Variants in PDE1A observed in about 807,000 individuals in gnomAD.
PDE1A encodes dual specificity calcium/calmodulin-dependent 3',5'-cyclic nucleotide phosphodiesterase 1A.
A neutral mutation model predicts 61.7 loss-of-function variants in PDE1A; 35 were observed. The observed-to-expected ratio is 0.57, with a 90% CI of 0.43 to 0.75. The LOEUF (loss-of-function observed/expected upper bound fraction) is 0.75. PDE1A is among the 30% of genes least tolerant of loss of function. The pLI is 0.00. For missense variants in PDE1A, 597 were observed against 630.6 expected (o/e 0.95, Z 0.57); for synonymous variants, 232 against 213.2 (o/e 1.09, Z -0.77).
the PDE1A span, among the ~76,000 whole-genome samples, chr2:182,708,834 T>C: frequency 6.6e-6 from 1 of 152,224 alleles, no homozygotes; most frequent in Non-Finnish European, 1.5e-5. Context: ...TCTTCATCAG[T>C]AAAATTGACT....
At chr2:182,294,232 G>A (rs1393634402) in intron 1 of PDE1A, among the ~76,000 whole-genome samples, 1 of 152,186 alleles carries the variant, frequency 6.6e-6, no homozygotes, top group East Asian at 1.9e-4. Context: ...GATGAGGGGG[G>A]AGCTATTGTA....
At chr2:182,694,194 T>C in the PDE1A span, among the ~76,000 whole-genome samples, 2 of 152,240 alleles carry the variant, frequency 1.3e-5, no homozygotes, top group African/African-American at 4.8e-5. Context: ...CTTTACCATG[T>C]GGATATCCAG....
At chr2:182,613,361 G>T in the PDE1A span, among the ~76,000 whole-genome samples, 1 of 152,112 alleles carries the variant, frequency 6.6e-6, no homozygotes, top group Admixed American at 6.5e-5. Context: ...AGGAGATCAA[G>T]AACATCTTGG....
chr2:182,226,247 A>C (rs1689133102), intron 6 of PDE1A, among the ~76,000 whole-genome samples: 1 of 149,946 alleles, frequency 6.7e-6, no homozygotes, highest in Admixed American at 6.6e-5. Context: ...AGAAAATCAG[A>C]GATGGAATTA....
the PDE1A span, among the ~76,000 whole-genome samples, chr2:182,533,166 C>T: frequency 6.6e-6 from 1 of 151,794 alleles, no homozygotes; most frequent in East Asian, 2.0e-4. Context: ...CAAAAATTAG[C>T]TGGGTGTAGT....
At chr2:182,551,252 G>T in the PDE1A span, among the ~76,000 whole-genome samples, 1 of 152,170 alleles carries the variant, frequency 6.6e-6, no homozygotes, top group Non-Finnish European at 1.5e-5. Flanking sequence ...CTGTGGCAGG[G>T]TAGAAGATGG....
At chr2:182,586,773 C>A in the PDE1A span, among the ~76,000 whole-genome samples, 2 of 152,150 alleles carry the variant, frequency 1.3e-5, no homozygotes, top group Non-Finnish European at 2.9e-5. Flanking sequence ...CTATTTTACA[C>A]TGACATTTAT....
At chr2:182,294,773 G>A (rs1231852296) in intron 1 of PDE1A, among the ~76,000 whole-genome samples, 1 of 152,142 alleles carries the variant, frequency 6.6e-6, no homozygotes, top group Non-Finnish European at 1.5e-5. Context: ...AATTGAGAAA[G>A]AGTAATAATC....
intron 10 of PDE1A, among the ~76,000 whole-genome samples, chr2:182,199,733 C>T (rs1344772): frequency 0.74 from 111,972 of 151,928 alleles, 41,453 homozygotes; most frequent in East Asian, 0.91. Context: ...TAGCACAAAG[C>T]AAATTATTAA....
chr2:182,639,503 G>T, the PDE1A span, among the ~76,000 whole-genome samples: 4 of 152,176 alleles, frequency 2.6e-5, no homozygotes, highest in Non-Finnish European at 5.9e-5. Context: ...AAGAGGCAGA[G>T]GTTGCAGTGA....
chr2:182,581,923 C>T, the PDE1A span, among the ~76,000 whole-genome samples: 1 of 152,082 alleles, frequency 6.6e-6, no homozygotes, highest in Non-Finnish European at 1.5e-5. Flanking sequence ...AATAGAAATC[C>T]TATGCGTTTT....
At chr2:182,635,174 G>C in the PDE1A span, among the ~76,000 whole-genome samples, 1 of 151,208 alleles carries the variant, frequency 6.6e-6, no homozygotes. Context: ...CTAAGTTTCG[G>C]TATTTTTTCT....
intron 1 of PDE1A, among the ~76,000 whole-genome samples, chr2:182,333,156 T>C (rs557159862): frequency 6.6e-6 from 1 of 152,240 alleles, no homozygotes; most frequent in Admixed American, 6.5e-5. Context: ...CCACTGTCAA[T>C]ATTAGACAGA....
chr2:182,387,095 A>T (rs1701154148), intron 1 of PDE1A, among the ~76,000 whole-genome samples: 1 of 152,178 alleles, frequency 6.6e-6, no homozygotes, highest in South Asian at 2.1e-4. Flanking sequence ...CTGCCTTGGG[A>T]TGCTGTTGAT....
chr2:182,273,188 A>G (rs1304542116), intron 1 of PDE1A, among the ~76,000 whole-genome samples: 2 of 152,136 alleles, frequency 1.3e-5, no homozygotes, highest in Non-Finnish European at 2.9e-5. Context: ...ATAATTAAAA[A>G]AAGAATTTTA....
At chr2:182,684,544 T>C in the PDE1A span, among the ~76,000 whole-genome samples, 1 of 152,134 alleles carries the variant, frequency 6.6e-6, no homozygotes, top group Non-Finnish European at 1.5e-5. Flanking sequence ...CTTTTAAAGA[T>C]GCAAAACATA....
At chr2:182,160,792 T>C (rs1254642353) in intron 13 of PDE1A, among the ~76,000 whole-genome samples, 1 of 152,176 alleles carries the variant, frequency 6.6e-6, no homozygotes, top group Non-Finnish European at 1.5e-5. Flanking sequence ...TTCATGTATA[T>C]TCTATTGGTT....
At chr2:182,581,396 A>G in the PDE1A span, among the ~76,000 whole-genome samples, 1 of 152,162 alleles carries the variant, frequency 6.6e-6, no homozygotes, top group Non-Finnish European at 1.5e-5. Flanking sequence ...TCAGCATGCA[A>G]AAAGGCTCTG....
At chr2:182,317,710 G>C (rs995193429) in intron 1 of PDE1A, among the ~76,000 whole-genome samples, 2 of 152,070 alleles carry the variant, frequency 1.3e-5, no homozygotes, top group African/African-American at 4.8e-5. Context: ...GTGTGGTAAC[G>C]GGGCAGGGAC....
Sources: allele counts gnomAD v4.1 joint callset (sites outside exome capture counted in the v4.1 genomes callset), GRCh38; gene constraint gnomAD v4.1.1; transcripts MANE v1.5; gene names NCBI Gene and HGNC (gene_info 2026-07-23, HGNC 2026-07-21).